The following ASIC2 variants were observed in gnomAD, a reference collection of about 807,000 sequenced individuals.
The protein encoded by ASIC2 is acid-sensing ion channel 2.
A neutral mutation model predicts 57.3 loss-of-function variants in ASIC2; 25 were observed. The ratio of observed to expected loss-of-function variants is 0.44; its 90% CI spans 0.32 to 0.61. The LOEUF (loss-of-function observed/expected upper bound fraction) is 0.61. ASIC2 is among the 20% of genes least tolerant of loss of function. The pLI, the probability that ASIC2 is intolerant of heterozygous loss-of-function variation, is 0.06. For synonymous variants in ASIC2, 319 were observed against 307.5 expected, an observed-to-expected ratio of 1.04 and a Z score of -0.39; for missense variants, 641 against 738.1, an observed-to-expected ratio of 0.87 and a Z score of 1.52.
chr17:33,884,719 T>C (rs967736598), intron 1 of ASIC2, among the ~76,000 whole-genome samples: 1 of 143,158 alleles, frequency 7.0e-6, no homozygotes, highest in Admixed American at 6.9e-5. Flanking sequence ...CCCCACCCCA[T>C]CCCCACACCC....
chr17:34,112,192 T>C (rs1311702269), intron 1 of ASIC2, among the ~76,000 whole-genome samples: 1 of 152,184 alleles, frequency 6.6e-6, no homozygotes, highest in Non-Finnish European at 1.5e-5. Context: ...AGTCTAAATT[T>C]ATGAAACTGA....
At chr17:33,052,885 A>T (rs1336538351) in intron 3 of ASIC2, 1 of 152,092 alleles carries the variant, frequency 6.6e-6, no homozygotes, top group Non-Finnish European at 1.5e-5. Context: ...AGATGCGGTA[A>T]AATAGAAGTG....
chr17:33,392,196 CTCCTTCCTTCCTTCCT>C (rs377322524), intron 1 of ASIC2, among the ~76,000 whole-genome samples: 7 of 37,792 alleles, frequency 1.9e-4, no homozygotes, highest in Non-Finnish European at 2.7e-4. Context: ...CCTTCCTTCC[CTCCTTCCTTCCTTCCT>C]TCCTTCCTTC....
chr17:33,685,460 C>A (rs991009794), intron 1 of ASIC2, among the ~76,000 whole-genome samples: 1 of 152,210 alleles, frequency 6.6e-6, no homozygotes, highest in Non-Finnish European at 1.5e-5. Flanking sequence ...TAACACCCTG[C>A]TCCCACCTGA....
chr17:33,286,056 T>C (rs1329054336), intron 1 of ASIC2, among the ~76,000 whole-genome samples: 1 of 152,228 alleles, frequency 6.6e-6, no homozygotes, highest in East Asian at 1.9e-4. Context: ...TCTTTCTTGA[T>C]TCCCTAAAGC....
chr17:33,015,506 C>A (rs796709541), intron 9 of ASIC2, among the ~76,000 whole-genome samples: 4 of 152,158 alleles, frequency 2.6e-5, no homozygotes, highest in Admixed American at 6.5e-5. Context: ...ACCAGGCATA[C>A]AATAGTCAGT....
chr17:33,285,289 T>A (rs555695053), intron 1 of ASIC2, among the ~76,000 whole-genome samples: 53 of 152,324 alleles, frequency 3.5e-4, no homozygotes, highest in African/African-American at 1.2e-3. Context: ...CTAAACTAAT[T>A]TCCCCGAAGT....
intron 1 of ASIC2, among the ~76,000 whole-genome samples, chr17:33,549,578 A>C (rs891115488): frequency 1.1e-4 from 16 of 152,314 alleles, no homozygotes; most frequent in Admixed American, 9.1e-4. Context: ...TTTGCAAATT[A>C]GCCTAGATTG....
rs1321033940 is a variant in ASIC2 at position 33,880,844 on chromosome 17, C to T, written c.555+275134G>A. On this transcript the variant is annotated intron_variant, in intron 1 of 9. Coordinates refer to the ASIC2 transcript ENST00000359872. ...TTAGACCAATATCCCTGATGAACAT[C>T]GATGCAAAAATCCTCAATAAAATAC... is the stretch of plus-strand genomic sequence containing the variant. Among the ~76,000 whole-genome samples the T allele has an allele frequency of 8.5e-5, 13 of 152,190 alleles. No individual in the cohort carries two copies. The South Asian group carries it at 1.5e-3, about 17-fold the overall frequency.
chr17:33,542,961 A>C (rs1915464183), intron 1 of ASIC2, among the ~76,000 whole-genome samples: 2 of 152,086 alleles, frequency 1.3e-5, no homozygotes, highest in South Asian at 4.1e-4. Context: ...CAGCCATAAA[A>C]AATGATGAGT....
chr17:33,799,434 CTTTCTTTCT>C lies in ASIC2; in HGVS notation c.555+356535_555+356543del, dbSNP rs1567719074. ...TTCTTTCTTTCTTTCTTTCTTCTTT[CTTTCTTTCT>C]TTCTTTCTTTCTTTCTTTCTTTCTT... On this transcript the variant is annotated intron_variant, in intron 1 of 9. Coordinates refer to the ASIC2 transcript ENST00000359872. Among the ~76,000 whole-genome samples, 167 of 31,154 alleles carry C rather than the reference CTTTCTTTCT, an allele frequency of 5.4e-3. No homozygotes were observed. The South Asian group carries it at 0.057, about 11-fold the overall frequency. 20.4% of individuals were successfully genotyped at this position (31,154 alleles called of 152,430 possible).
intron 1 of ASIC2, among the ~76,000 whole-genome samples, chr17:33,709,624 G>A (rs950282489): frequency 6.6e-6 from 1 of 152,186 alleles, no homozygotes; most frequent in Admixed American, 6.5e-5. Context: ...CCTTGTTGCA[G>A]CAGCTAGAAC....
chr17:33,240,683 C>T (rs376698765), intron 1 of ASIC2, among the ~76,000 whole-genome samples: 1 of 151,946 alleles, frequency 6.6e-6, no homozygotes, highest in South Asian at 2.1e-4. Context: ...CAGCCAGGAG[C>T]GGGAAGGAGC....
intron 1 of ASIC2, among the ~76,000 whole-genome samples, chr17:34,059,723 T>C (rs1305207525): frequency 1.3e-5 from 2 of 151,936 alleles, no homozygotes; most frequent in Non-Finnish European, 2.9e-5. Flanking sequence ...CTGCCGGCTT[T>C]CCCCTACTTC....
intron 1 of ASIC2, among the ~76,000 whole-genome samples, chr17:33,322,024 G>A (rs1168206148): frequency 1.3e-5 from 2 of 152,314 alleles, no homozygotes; most frequent in Middle Eastern, 3.4e-3. Flanking sequence ...GGACCACAGT[G>A]GATCCATGGC....
At chr17:34,051,027 A>G (rs1784888574) in intron 1 of ASIC2, among the ~76,000 whole-genome samples, 1 of 152,174 alleles carries the variant, frequency 6.6e-6, no homozygotes, top group African/African-American at 2.4e-5. Flanking sequence ...GCTGATCTGG[A>G]GAAAGAAACA....
chr17:33,972,872 A>G (rs1457489633), intron 1 of ASIC2, among the ~76,000 whole-genome samples: 1 of 152,210 alleles, frequency 6.6e-6, no homozygotes, highest in Non-Finnish European at 1.5e-5. Context: ...AGAAAAGGAG[A>G]CTGCAAATGC....
intron 1 of ASIC2, among the ~76,000 whole-genome samples, chr17:33,205,936 A>T (rs1236308985): frequency 6.6e-6 from 1 of 152,216 alleles, no homozygotes; most frequent in Non-Finnish European, 1.5e-5. Context: ...GGATCTGGCA[A>T]CAAGAATGCA....
At chr17:33,839,583 C>T (rs144039610) in intron 1 of ASIC2, among the ~76,000 whole-genome samples, 1 of 152,152 alleles carries the variant, frequency 6.6e-6, no homozygotes, top group East Asian at 1.9e-4. Context: ...ACCAATTGTC[C>T]CCATTTTCCT....
Sources: gnomAD v4.1 joint callset for allele counts (sites outside exome capture counted in the v4.1 genomes callset) on GRCh38, gnomAD v4.1.1 for gene constraint, MANE v1.5 for transcripts, NCBI Gene and HGNC (gene_info 2026-07-23, HGNC 2026-07-21) for gene names.